IL1RAPL1: variants seen among roughly 807,000 people sequenced by gnomAD.
IL1RAPL1 encodes interleukin 1 receptor accessory protein like 1.
A neutral mutation model predicts 48.4 loss-of-function variants in IL1RAPL1; 3 were observed. That is an observed-to-expected ratio of 0.06 (90% confidence interval 0.03 to 0.16). The LOEUF is 0.16. Ranked by LOEUF, IL1RAPL1 falls within the 10% of genes least tolerant of loss-of-function variation. The pLI is 1.00. For missense variants in IL1RAPL1, 349 were observed against 530.6 expected (o/e 0.66, Z 3.36); for synonymous variants, 185 against 187.7 (o/e 0.99, Z 0.12).
intron 2 of IL1RAPL1, chrX:28,982,767 T>A (rs919868729): frequency 1.8e-5 from 2 of 111,655 alleles, no homozygotes; most frequent in African/African-American, 6.5e-5. Flanking sequence ...GGTTCTTTGC[T>A]TAGATACTCT....
At chrX:29,044,189 TG>T (rs1189950943) in intron 2 of IL1RAPL1, among the ~76,000 whole-genome samples, 61 of 111,212 alleles carry the variant, frequency 5.5e-4, no homozygotes, top group African/African-American at 1.9e-3. Flanking sequence ...CCTAGCACTT[TG>T]GGAGGCCAAG....
intron 2 of IL1RAPL1, among the ~76,000 whole-genome samples, chrX:29,167,458 A>G: frequency 9.1e-6 from 1 of 109,479 alleles, no homozygotes; most frequent in Middle Eastern, 4.7e-3. Context: ...CCTTCTATTT[A>G]ATAAAAGGAG....
chrX:29,542,587 A>G (rs1229338654), intron 5 of IL1RAPL1, among the ~76,000 whole-genome samples: 1 of 112,085 alleles, frequency 8.9e-6, no homozygotes, highest in Non-Finnish European at 1.9e-5. Context: ...ATCCCTATGG[A>G]GAGTAACACA....
intron 1 of IL1RAPL1, among the ~76,000 whole-genome samples, chrX:28,588,515 A>G (rs913777846): frequency 3.6e-5 from 4 of 112,161 alleles, no homozygotes; most frequent in African/African-American, 1.3e-4. Context: ...TTTTCAACTC[A>G]GTGCAGCATT....
intron 2 of IL1RAPL1, among the ~76,000 whole-genome samples, chrX:28,994,925 A>G (rs1925694512): frequency 8.9e-6 from 1 of 111,942 alleles, no homozygotes; most frequent in South Asian, 3.7e-4. Context: ...TACAAAATGC[A>G]GAAGACTGTA....
intron 5 of IL1RAPL1, among the ~76,000 whole-genome samples, chrX:29,632,315 A>T (rs902190355): frequency 1.9e-4 from 21 of 108,945 alleles, no homozygotes; most frequent in Non-Finnish European, 3.6e-4. Flanking sequence ...CACCCTGCTA[A>T]TTTTTTTGTA....
chrX:29,043,472 C>A (rs1421039776), intron 2 of IL1RAPL1, among the ~76,000 whole-genome samples: 1 of 110,580 alleles, frequency 9.0e-6, no homozygotes, highest in Non-Finnish European at 1.9e-5. Flanking sequence ...TCCGAGTCCA[C>A]CAGTTCTTTT....
At chrX:29,541,139 C>A (rs1223909603) in intron 5 of IL1RAPL1, among the ~76,000 whole-genome samples, 2 of 111,962 alleles carry the variant, frequency 1.8e-5, no homozygotes, top group Non-Finnish European at 3.8e-5. Flanking sequence ...AGACACTTCT[C>A]AAAAGAAGAC....
intron 6 of IL1RAPL1, among the ~76,000 whole-genome samples, chrX:29,687,576 C>T (rs1926658432): frequency 9.0e-6 from 1 of 111,440 alleles, no homozygotes; most frequent in Non-Finnish European, 1.9e-5. Context: ...GGAATAAGTT[C>T]TGGTGGTCTG....
intron 8 of IL1RAPL1, among the ~76,000 whole-genome samples, chrX:29,924,335 TTC>T (rs1431767759): frequency 3.5e-4 from 39 of 112,271 alleles, no homozygotes; most frequent in Admixed American, 3.2e-3. Flanking sequence ...AGCAATTTTG[TTC>T]TGTCAATTCT....
intron 2 of IL1RAPL1, among the ~76,000 whole-genome samples, chrX:28,922,875 T>C (rs1299565732): frequency 8.9e-6 from 1 of 111,970 alleles, no homozygotes; most frequent in African/African-American, 3.2e-5. Flanking sequence ...ATTTGAAAAA[T>C]GTAAGTTATA....
chrX:28,615,104 G>T (rs1409128373), intron 1 of IL1RAPL1, among the ~76,000 whole-genome samples: 1 of 107,681 alleles, frequency 9.3e-6, no homozygotes, highest in Non-Finnish European at 1.9e-5. Context: ...TAGCCAGGAT[G>T]GTCTCGACCT....
At chrX:29,534,081 C>T (rs957261392) in intron 5 of IL1RAPL1, among the ~76,000 whole-genome samples, 1 of 111,850 alleles carries the variant, frequency 8.9e-6, no homozygotes, top group African/African-American at 3.3e-5. Flanking sequence ...AAAAGCTGGT[C>T]TCATGTTCTT....
intron 5 of IL1RAPL1, among the ~76,000 whole-genome samples, chrX:29,402,463 G>C (rs1934006397): frequency 8.9e-6 from 1 of 111,836 alleles, no homozygotes; most frequent in Non-Finnish European, 1.9e-5. Flanking sequence ...GAGCAACTTA[G>C]AGTCAAGGGC....
chrX:29,768,800 C>A (rs1181325826), intron 6 of IL1RAPL1, among the ~76,000 whole-genome samples: 1 of 111,919 alleles, frequency 8.9e-6, no homozygotes, highest in Non-Finnish European at 1.9e-5. Context: ...TAAAACACCT[C>A]ATTTGATGCT....
At chrX:28,649,636 C>A (rs145949321) in intron 1 of IL1RAPL1, among the ~76,000 whole-genome samples, 1 of 112,094 alleles carries the variant, frequency 8.9e-6, no homozygotes, top group Non-Finnish European at 1.9e-5. Flanking sequence ...ACAACATTAG[C>A]GTTATTTGAG....
At chrX:29,532,265 G>C (rs1437818889) in intron 5 of IL1RAPL1, among the ~76,000 whole-genome samples, 2 of 112,014 alleles carry the variant, frequency 1.8e-5, no homozygotes, top group East Asian at 2.8e-4. Context: ...AGTCTTCCAA[G>C]ATTAGAGTAG....
chrX:28,646,932 T>C (rs1220765670), intron 1 of IL1RAPL1, among the ~76,000 whole-genome samples: 1 of 112,335 alleles, frequency 8.9e-6, no homozygotes, highest in Non-Finnish European at 1.9e-5. Context: ...AGTTCCCCAG[T>C]AGCCTTGAAA....
At chrX:29,617,381 C>G (rs1042788258) in intron 5 of IL1RAPL1, among the ~76,000 whole-genome samples, 4 of 109,043 alleles carry the variant, frequency 3.7e-5, no homozygotes, top group Non-Finnish European at 7.7e-5. Context: ...ATAGAGGAAA[C>G]ATAAGTGAGT....
Sources: allele counts gnomAD v4.1 joint callset (sites outside exome capture counted in the v4.1 genomes callset), GRCh38; gene constraint gnomAD v4.1.1; transcripts MANE v1.5; gene names NCBI Gene and HGNC (gene_info 2026-07-23, HGNC 2026-07-21).